The following SFMBT1 variants were observed in gnomAD, a reference collection of about 807,000 sequenced individuals.
The protein encoded by SFMBT1 is scm-like with four MBT domains protein 1.
In SFMBT1, 32 loss-of-function variants were observed where a neutral mutation model predicts 108.7. That is an observed-to-expected ratio of 0.29 (90% CI 0.22 to 0.40). The LOEUF (loss-of-function observed/expected upper bound fraction) is 0.40. Among genes scored for constraint, SFMBT1 ranks in the 10% least tolerant of loss-of-function variants. The probability of loss-of-function intolerance (pLI) is 1.00; values close to 1 mark genes in which losing one functional copy is unlikely to be tolerated. For missense variants in SFMBT1, 816 were observed against 1,059.6 expected (o/e 0.77, Z 3.19); for synonymous variants, 348 against 369.5 (o/e 0.94, Z 0.67).
chr3:52,920,045 G>A (rs948348813), intron 12 of SFMBT1, among the ~76,000 whole-genome samples: 9 of 152,192 alleles, frequency 5.9e-5, no homozygotes, highest in Admixed American at 2.0e-4. Flanking sequence ...AGGACACAAC[G>A]AGAAGGTGCC....
intron 3 of SFMBT1, among the ~76,000 whole-genome samples, chr3:52,948,733 CCT>C (rs1703464725): frequency 6.6e-6 from 1 of 151,022 alleles, no homozygotes; most frequent in Admixed American, 6.6e-5. Context: ...GTCACTGCAA[CCT>C]CTGTCTCCTG....
At chr3:52,954,597 T>G (rs1017124911) in intron 2 of SFMBT1, among the ~76,000 whole-genome samples, 186 bp from the exon 3 acceptor site, 1 of 152,242 alleles carries the variant, frequency 6.6e-6, no homozygotes, top group Non-Finnish European at 1.5e-5. Context: ...CTTAGTGCAC[T>G]GATTGTCAAC....
At chr3:52,946,469 C>T (rs888383880) in intron 3 of SFMBT1, among the ~76,000 whole-genome samples, 2 of 152,198 alleles carry the variant, frequency 1.3e-5, no homozygotes, top group Non-Finnish European at 2.9e-5. Flanking sequence ...CTTCTCTTGT[C>T]GAACATTACT....
chr3:52,963,717 T>C (rs1704040271), intron 2 of SFMBT1, among the ~76,000 whole-genome samples: 1 of 152,136 alleles, frequency 6.6e-6, no homozygotes, highest in African/African-American at 2.4e-5. Flanking sequence ...CCTCCCAAAG[T>C]GCTGGATTAC....
rs148866642 is a variant in SFMBT1, at chr3:52,947,827, C to T, written c.124-4234G>A. Among the ~76,000 whole-genome samples the T allele has an allele frequency of 2.5e-3, 376 of 152,054 alleles. 1 individual carries two copies. The highest frequency in any genetic ancestry group is 8.1e-3 in the African/African-American group (335 of 41,472). On this transcript the variant is annotated intron_variant, in intron 3 of 20. Coordinates refer to ENST00000394752, the MANE Select transcript of SFMBT1 (RefSeq NM_016329.4). The stretch of plus-strand genomic sequence containing the variant: ...TCAGCTCACTGCAACCTCTGCCTCC[C>T]GGGCTCAAGTGATTCTCCTGCCTCA...
intron 9 of SFMBT1, 76 bp from the exon 10 acceptor site, chr3:52,926,189 G>A: frequency 7.6e-7 from 1 of 1,315,388 alleles, no homozygotes; most frequent in Non-Finnish European, 1.1e-6. Context: ...CTCACCAAGG[G>A]TCCACTCACA....
At chr3:52,916,045 G>T in intron 14 of SFMBT1, 105 bp downstream of exon 14, 2 of 897,210 alleles carry the variant, frequency 2.2e-6, no homozygotes, top group Non-Finnish European at 3.5e-6. Flanking sequence ...ACCCCTCTAT[G>T]AAGACACATA....
At chr3:52,920,951 A>G (rs1475804386) in intron 11 of SFMBT1, among the ~76,000 whole-genome samples, 3 of 152,260 alleles carry the variant, frequency 2.0e-5, no homozygotes, top group African/African-American at 7.2e-5. Flanking sequence ...TGGTTAATAA[A>G]TATCACAGTC....
intron 1 of SFMBT1, among the ~76,000 whole-genome samples, chr3:53,038,777 G>A (rs933330445): frequency 2.0e-5 from 3 of 152,150 alleles, no homozygotes; most frequent in Non-Finnish European, 4.4e-5. Context: ...TTTTAAACAC[G>A]TACTAGTTTT....
chr3:52,933,572 C>T (rs187888906), intron 5 of SFMBT1, among the ~76,000 whole-genome samples: 1 of 152,224 alleles, frequency 6.6e-6, no homozygotes. Context: ...GTCAGCATGG[C>T]AGAGTCATGG....
intron 10 of SFMBT1, among the ~76,000 whole-genome samples, chr3:52,924,056 T>C (rs1292862177): frequency 1.3e-5 from 2 of 152,244 alleles, no homozygotes; most frequent in African/African-American, 2.4e-5. Flanking sequence ...CACTAGAAGT[T>C]AGAAAACAAC....
chr3:53,004,130 G>T (rs1050641356), intron 1 of SFMBT1, among the ~76,000 whole-genome samples: 2 of 149,618 alleles, frequency 1.3e-5, no homozygotes, highest in Non-Finnish European at 3.0e-5. Context: ...ATATTTCCTC[G>T]TTTCATGTTC....
In SFMBT1 at chr3:52,907,176, T is replaced by A. The variant is rs1275668964; in HGVS notation, c.2224A>T (p.Thr742Ser). Residue 742 changes from threonine (T) to serine (S), a missense_variant, in exon 19 of 21, where the codon ACC becomes TCC. By Grantham distance (58) the Thr-to-Ser change is moderately conservative (BLOSUM62 1). Transcript: ENST00000394752. Reference sequence around the variant, plus strand: ...AGCGATGTGGATATCTCACTTTGGGTGGGAGAAGAGGAGCATGACTTTTTT... The same window carrying A: ...AGCGATGTGGATATCTCACTTTGGGAGGGAGAAGAGGAGCATGACTTTTTT... The part of the protein sequence containing the change: ...SEKKSCSSSP[T>S]QSEISTSLPP... 1.9e-6 allele frequency: 3 copies of A among 1,614,192 alleles called. No individual in the cohort carries two copies. Among genetic ancestry groups the A allele is most frequent in the Non-Finnish European group, 2.5e-6 (3 of 1,180,024 alleles).
intron 1 of SFMBT1, among the ~76,000 whole-genome samples, chr3:53,033,864 G>A (rs1699771239): frequency 6.6e-6 from 1 of 151,748 alleles, no homozygotes; most frequent in African/African-American, 2.4e-5. Flanking sequence ...GAGGTCAGGA[G>A]CTCGAGACCA....
chr3:52,975,316 T>A (rs1704481105), intron 1 of SFMBT1, among the ~76,000 whole-genome samples: 1 of 152,156 alleles, frequency 6.6e-6, no homozygotes, highest in Non-Finnish European at 1.5e-5. Flanking sequence ...CTTCTCCAAA[T>A]CCCAATAGGG....
chr3:52,905,541 G>A (rs1702045202), intron 20 of SFMBT1, among the ~76,000 whole-genome samples: 1 of 152,212 alleles, frequency 6.6e-6, no homozygotes, highest in Admixed American at 6.5e-5. Flanking sequence ...CTGTCCCATA[G>A]AAATTTAGTA....
intron 2 of SFMBT1, among the ~76,000 whole-genome samples, chr3:52,959,370 C>T (rs1005210109): frequency 2.6e-5 from 4 of 152,174 alleles, no homozygotes; most frequent in Admixed American, 1.3e-4. Flanking sequence ...ATATCTTCCA[C>T]CTTTCAATTA....
chr3:52,952,390 T>C (rs762379399), intron 3 of SFMBT1, among the ~76,000 whole-genome samples: 1 of 152,212 alleles, frequency 6.6e-6, no homozygotes, highest in African/African-American at 2.4e-5. Context: ...TATGCCCTAC[T>C]GAACATTGCT....
chr3:53,026,719 A>C (rs1226523905), intron 1 of SFMBT1, among the ~76,000 whole-genome samples: 1 of 152,196 alleles, frequency 6.6e-6, no homozygotes, highest in Non-Finnish European at 1.5e-5. Flanking sequence ...CTCAAAAAGG[A>C]AGAGCTGGCA....
Sources: allele counts gnomAD v4.1 joint callset (sites outside exome capture counted in the v4.1 genomes callset), GRCh38; gene constraint gnomAD v4.1.1; transcripts MANE v1.5; gene names NCBI Gene and HGNC (gene_info 2026-07-23, HGNC 2026-07-21).